TLR6: variants seen among roughly 807,000 people sequenced by gnomAD.
TLR6 encodes the protein toll like receptor 6.
TLR6 carries 9 observed loss-of-function variants against 16.1 expected under a neutral mutation model. The observed-to-expected ratio is 0.56, with a 90% confidence interval of 0.34 to 0.98. The LOEUF is 0.98. TLR6 is among the 50% of genes least tolerant of loss of function. The probability of loss-of-function intolerance (pLI) is 0.02; values close to 1 mark genes in which losing one functional copy is unlikely to be tolerated. For missense variants in TLR6, 786 were observed against 921.0 expected (o/e 0.85, Z 1.90); for synonymous variants, 340 against 338.6 (o/e 1.00, Z -0.04).
At chr4:38,827,794 C>T (rs1427566999) in exon 2 of TLR6, 2 of 1,614,188 alleles carry the variant, frequency 1.2e-6, no homozygotes, top group South Asian at 2.2e-5. Flanking sequence ...GGTAGTCACA[C>T]TTATAAGAAT....
chr4:38,832,529 T>A lies in TLR6; in HGVS notation c.-64-2992A>T, dbSNP rs945988222. Reference sequence around the variant, plus strand: ...GCTGTCTGGAATATATGCAATCACATTGTTCCACAATGGGACTTCACATTG... The same window carrying A: ...GCTGTCTGGAATATATGCAATCACAATGTTCCACAATGGGACTTCACATTG... On this transcript the variant is annotated intron_variant, in intron 1 of 1. Coordinates refer to ENST00000436693, the Ensembl canonical transcript of TLR6. 3.3e-5 allele frequency among the ~76,000 whole-genome samples: 5 copies of A among 152,128 alleles called. No individual in the cohort carries two copies. The East Asian group carries it at 7.7e-4, about 23-fold the overall frequency.
chr4:38,827,286 T>C lies in TLR6; in HGVS notation c.2188A>G (p.Asn730Asp), dbSNP rs5743819. 6 of 1,614,032 alleles carry C rather than the reference T, an allele frequency of 3.7e-6. No homozygotes were observed. The Admixed American group carries it at 8.3e-5, about 22-fold the overall frequency. Residue 730 changes from asparagine to aspartate, a missense_variant, in exon 2 of 2, where the codon AAC becomes GAC. Coordinates refer to ENST00000436693, the Ensembl canonical transcript of TLR6. Reference sequence around the variant, plus strand: ...GGTTCCAGTAAGATGAGGATTAAGTTATTAGATCCTTCATGAAAGAGATTG... The same window carrying C: ...GGTTCCAGTAAGATGAGGATTAAGTCATTAGATCCTTCATGAAAGAGATTG...
rs368390175 is a variant in TLR6, at chr4:38,847,361, T to C, written c.-65+9400A>G. ...AGTCTATAGCTCTCAGCATAAGTGATGCAGAAGATGGGTGATTTCTGCATT... is the reference window on the plus strand; with the variant it reads ...AGTCTATAGCTCTCAGCATAAGTGACGCAGAAGATGGGTGATTTCTGCATT... On this transcript the variant is annotated intron_variant, in intron 1 of 1. Transcript: ENST00000436693. 1.6e-3 allele frequency among the ~76,000 whole-genome samples: 237 copies of C among 152,252 alleles called. 1 individual carries two copies. The highest frequency in any genetic ancestry group is 5.1e-3 in the African/African-American group (213 of 41,554).
exon 2 of TLR6, chr4:38,823,884 G>A (rs1431085016): frequency 1.3e-5 from 2 of 152,352 alleles, no homozygotes; most frequent in East Asian, 1.9e-4. Flanking sequence ...CCCAGCCTCC[G>A]AAAGGCAGCC....
chr4:38,868,021 G>A, the TLR6 span: 1 of 422,336 alleles, frequency 2.4e-6, no homozygotes, highest in South Asian at 1.7e-5. Flanking sequence ...GGTCTGGGGC[G>A]GCGCGGCCGA....
At chr4:38,862,372 C>A in the TLR6 span, among the ~76,000 whole-genome samples, 1 of 152,038 alleles carries the variant, frequency 6.6e-6, no homozygotes, top group Non-Finnish European at 1.5e-5. Context: ...CCTTCACCTC[C>A]CAGGTTCAAG....
chr4:38,827,160 G>A lies in TLR6; in HGVS notation c.2314C>T (p.Leu772Phe), dbSNP rs917569812. 4 of 1,614,012 alleles carry A rather than the reference G, an allele frequency of 2.5e-6. No homozygotes were observed. In the African/African-American group the frequency reaches 5.3e-5, roughly 22 times the overall value. ...GCGGCTCTAATGTTAGCCCAAAAGA[G>A]CCCACGTTTGCTTTTCTCCTTGGGC... The change falls in exon 2 of 2, where the codon CTC becomes TTC. Residue 772 changes from leucine (L) to phenylalanine (F), a missense_variant. Leu to Phe is a conservative substitution (Grantham distance 22). Coordinates refer to ENST00000436693, the Ensembl canonical transcript of TLR6.
At chr4:38,847,298 G>T (rs547036077) in intron 1 of TLR6, among the ~76,000 whole-genome samples, 80 of 152,074 alleles carry the variant, frequency 5.3e-4, no homozygotes, top group African/African-American at 1.8e-3. Flanking sequence ...CACACATTAG[G>T]GGGGGTGGTT....
At chr4:38,827,097 C>A in exon 2 of TLR6, 1 of 1,582,190 alleles carries the variant, frequency 6.3e-7, no homozygotes, top group South Asian at 1.2e-5. Context: ...GATTTCACAT[C>A]ATTGTTTTCA....
chr4:38,824,518 C>T (rs943515625), exon 2 of TLR6: 1 of 152,090 alleles, frequency 6.6e-6, no homozygotes, highest in South Asian at 2.1e-4. Context: ...ACATTGATAC[C>T]ATTTAAAAAG....
intron 1 of TLR6, among the ~76,000 whole-genome samples, chr4:38,850,439 G>C (rs974284118): frequency 2.0e-5 from 3 of 152,134 alleles, no homozygotes; most frequent in Non-Finnish European, 4.4e-5. Context: ...ATGAATCCAG[G>C]AGGTGGGTTT....
At chr4:38,850,441 G>A (rs1008507781) in intron 1 of TLR6, among the ~76,000 whole-genome samples, 7 of 152,104 alleles carry the variant, frequency 4.6e-5, no homozygotes, top group African/African-American at 1.7e-4. Flanking sequence ...GAATCCAGGA[G>A]GTGGGTTTTT....
chr4:38,839,222 T>G (rs1712117783), intron 1 of TLR6, among the ~76,000 whole-genome samples: 1 of 151,842 alleles, frequency 6.6e-6, no homozygotes, highest in Non-Finnish European at 1.5e-5. Flanking sequence ...AATACTATTT[T>G]ATTTCAACTA....
At position 38,835,688 on chromosome 4, in the gene TLR6, G is replaced by A. The variant is rs115181868; in HGVS notation, c.-64-6151C>T. The stretch of plus-strand genomic sequence containing the variant: ...GTACACATTCTTCTCATCAGTGCAT[G>A]GAACATTGTTCAGAATAGACCATAT... On this transcript the variant is annotated intron_variant, in intron 1 of 1. Transcript: ENST00000436693. Among the ~76,000 whole-genome samples, 1,361 of 152,236 alleles carry A rather than the reference G, an allele frequency of 8.9e-3. 14 individuals are homozygous for A. The highest frequency in any genetic ancestry group is 0.031 in the African/African-American group (1,289 of 41,534).
Position 38,827,986 on chromosome 4 carries a change from G to C in TLR6, c.1488C>G (p.Ser496Arg), listed in dbSNP as rs1257329277. 4 of 1,614,050 alleles carry C rather than the reference G, an allele frequency of 2.5e-6. No individual in the cohort carries two copies. The South Asian group carries it at 4.4e-5, about 18-fold the overall frequency. ...TGTGATCAATGATCAATACAGAAAG[G>C]CTGCTAAAGCTGCCACATCCAGGAA... Residue 496 changes from serine (S) to arginine (R), a missense_variant, in exon 2 of 2, where the codon AGC becomes AGG. By Grantham distance (110) the Ser-to-Arg change is moderately radical (BLOSUM62 -1). Transcript: ENST00000436693.
intron 1 of TLR6, among the ~76,000 whole-genome samples, chr4:38,853,738 G>T (rs541315432): frequency 2.0e-5 from 3 of 152,196 alleles, no homozygotes; most frequent in African/African-American, 7.2e-5. Flanking sequence ...CACGGAGCTG[G>T]GGTTACAGGT....
chr4:38,857,406 A>G (rs916921794), upstream of TLR6, among the ~76,000 whole-genome samples: 7 of 152,232 alleles, frequency 4.6e-5, no homozygotes, highest in Non-Finnish European at 8.8e-5. Context: ...ATTTAGGAAT[A>G]ATAAATAACA....
downstream of TLR6, among the ~76,000 whole-genome samples, chr4:38,823,411 C>G (rs114942014): frequency 0.024 from 3,621 of 152,248 alleles, 85 homozygotes; most frequent in East Asian, 0.08. Context: ...TCAAAATTAC[C>G]TAACACACAT....
chr4:38,841,982 A>G (rs914384229), intron 1 of TLR6, among the ~76,000 whole-genome samples: 2 of 152,242 alleles, frequency 1.3e-5, no homozygotes, highest in East Asian at 3.8e-4. Flanking sequence ...ATGTCTTTTA[A>G]AGAATGTTTA....
Sources: gnomAD v4.1 joint callset for allele counts (sites outside exome capture counted in the v4.1 genomes callset) on GRCh38, gnomAD v4.1.1 for gene constraint, MANE v1.5 for transcripts, NCBI Gene and HGNC (gene_info 2026-07-23, HGNC 2026-07-21) for gene names.